The following CNTN6 variants were observed in gnomAD, a reference collection of about 807,000 sequenced individuals.
CNTN6 encodes the protein contactin 6, also known as contactin-6.
Under a neutral mutation model 122.8 loss-of-function variants are expected in CNTN6, and 137 were observed. The ratio of observed to expected loss-of-function variants is 1.12; its 90% CI spans 0.97 to 1.29. CNTN6 has a LOEUF of 1.29. Among genes scored for constraint, CNTN6 ranks in the 50% most tolerant of loss-of-function variants. CNTN6 has a pLI of 0.00. For missense variants in CNTN6, 1,634 were observed against 1,223.4 expected, an observed-to-expected ratio of 1.34 and a Z score of -5.01; for synonymous variants, 570 against 426.0, an observed-to-expected ratio of 1.34 and a Z score of -4.16.
intron 7 of CNTN6, among the ~76,000 whole-genome samples, chr3:1,314,902 C>T (rs910715474): frequency 3.3e-5 from 5 of 151,876 alleles, no homozygotes; most frequent in African/African-American, 1.2e-4. Flanking sequence ...TTTTGAAATA[C>T]AAGGTTCAAG....
chr3:1,179,343 GTC>G, intron 2 of CNTN6, among the ~76,000 whole-genome samples: 1 of 152,230 alleles, frequency 6.6e-6, no homozygotes, highest in East Asian at 1.9e-4. Context: ...CAATCTCGGA[GTC>G]TCTACCCACA....
At chr3:1,264,690 A>G (rs1559648372) in intron 4 of CNTN6, among the ~76,000 whole-genome samples, 1 of 152,166 alleles carries the variant, frequency 6.6e-6, no homozygotes, top group South Asian at 2.1e-4. Context: ...GTCACCCCAC[A>G]TACTTGTCAT....
At chr3:1,240,872 T>G (rs1703139) in intron 4 of CNTN6, among the ~76,000 whole-genome samples, 21 of 151,814 alleles carry the variant, frequency 1.4e-4, no homozygotes, top group South Asian at 4.2e-4. Context: ...AGAGAGTCAG[T>G]GAAGGGAGAT....
Position 1,392,860 on chromosome 3 carries a change from C to A in CNTN6, c.2704+7063C>A, listed in dbSNP as rs1341731282. The stretch of plus-strand genomic sequence containing the variant: ...TGCAAATCAAAACCACAATGAGATA[C>A]CATCTCACACCACTTAGAATGGCGA... On this transcript the variant is annotated intron_variant, in intron 20 of 22. Transcript: ENST00000446702. Among the ~76,000 whole-genome samples the A allele has an allele frequency of 2.3e-5, 3 of 132,424 alleles. 1 individual carries two copies. Among genetic ancestry groups the A allele is most frequent in the Non-Finnish European group, 5.0e-5 (3 of 60,430 alleles). 86.9% of individuals were successfully genotyped at this position (132,424 alleles called of 152,430 possible). A position where few individuals can be genotyped will look rare whatever the true frequency, so the allele number is the denominator to read the frequency against.
At position 1,108,022 on chromosome 3, in the gene CNTN6, T is replaced by C. The variant is rs535462449; in HGVS notation, c.-83+14902T>C. Among the ~76,000 whole-genome samples, 5 of 152,170 alleles carry C rather than the reference T, an allele frequency of 3.3e-5. No individual in the cohort carries two copies. In the South Asian group the frequency reaches 1.0e-3, roughly 31 times the overall value. Reference sequence around the variant, plus strand: ...TTAAGGCTCTGGGTGTTAATGTCAGTGTTATGCAGAAAATTACCCTAGACA... The same window carrying C: ...TTAAGGCTCTGGGTGTTAATGTCAGCGTTATGCAGAAAATTACCCTAGACA... On this transcript the variant is annotated intron_variant, in intron 1 of 22. Transcript: ENST00000446702.
intron 11 of CNTN6, among the ~76,000 whole-genome samples, chr3:1,351,957 A>G (rs569141245): frequency 3.3e-5 from 5 of 151,942 alleles, no homozygotes; most frequent in Non-Finnish European, 7.4e-5. Context: ...AGCCAAGTTC[A>G]ATTTTTGCCA....
chr3:1,243,593 C>T (rs376040020), intron 4 of CNTN6, among the ~76,000 whole-genome samples: 7,399 of 149,468 alleles, frequency 0.05, 264 homozygotes, highest in East Asian at 0.13. Context: ...GCCGAGCGAG[C>T]CATGAACTGG....
intron 2 of CNTN6, among the ~76,000 whole-genome samples, chr3:1,197,834 T>C (rs561697514): frequency 6.6e-6 from 1 of 152,306 alleles, no homozygotes. Flanking sequence ...ATAAACTATC[T>C]CAAAGTCTGC....
At chr3:1,241,959 T>C (rs9875199) in intron 4 of CNTN6, among the ~76,000 whole-genome samples, 69,811 of 147,050 alleles carry the variant, frequency 0.47, 15,752 homozygotes, top group African/African-American at 0.61. Context: ...CTACAGGGTG[T>C]GGTCCTGGCT....
chr3:1,383,313 G>C lies in CNTN6; in HGVS notation c.2422G>C (p.Gly808Arg). ...GEDEPQLAPRGTSLQSFSASE... is the reference protein window; with the variant it reads ...GEDEPQLAPRRTSLQSFSASE... ...GGTAGAACCTCAACTGGCCCCAAGG[G>C]GAACTTCTCTCCAGAGTTTTTCTGC... is the stretch of plus-strand genomic sequence containing the variant. The change falls in exon 19 of 23, where the codon GGA (glycine) becomes CGA (arginine). Residue 808 changes from glycine to arginine, a missense_variant. Transcript: ENST00000446702. The C allele has an allele frequency of 6.2e-7, 1 of 1,613,944 alleles. No individual in the cohort carries two copies. The highest frequency in any genetic ancestry group is 8.5e-7 in the Non-Finnish European group (1 of 1,179,846).
intron 9 of CNTN6, among the ~76,000 whole-genome samples, chr3:1,326,250 C>G (rs1259875112): frequency 6.6e-6 from 1 of 151,848 alleles, no homozygotes; most frequent in Non-Finnish European, 1.5e-5. Flanking sequence ...ACGGATAACA[C>G]TTACTGAACT....
At chr3:1,397,126 A>G (rs117247002) in intron 20 of CNTN6, among the ~76,000 whole-genome samples, 3,923 of 152,318 alleles carry the variant, frequency 0.026, 59 homozygotes, top group Non-Finnish European at 0.038. Flanking sequence ...AGCCATGCCT[A>G]GAGTTAGATG....
chr3:1,273,628 C>A (rs1691781680), intron 4 of CNTN6, among the ~76,000 whole-genome samples: 1 of 152,156 alleles, frequency 6.6e-6, no homozygotes, highest in Non-Finnish European at 1.5e-5. Flanking sequence ...TGTCTATGAT[C>A]TGTGTGCTAT....
At chr3:1,348,429 C>T (rs1705102481) in intron 11 of CNTN6, among the ~76,000 whole-genome samples, 1 of 151,912 alleles carries the variant, frequency 6.6e-6, no homozygotes, top group Non-Finnish European at 1.5e-5. Context: ...GATATTAAGC[C>T]TGTCTTTAAG....
intron 12 of CNTN6, among the ~76,000 whole-genome samples, chr3:1,369,846 CTTTTT>C (rs570471554): frequency 7.1e-5 from 10 of 141,100 alleles, no homozygotes; most frequent in Admixed American, 3.5e-4. Context: ...CCCTGGATAT[CTTTTT>C]TTTTTTTAAG....
intron 4 of CNTN6, among the ~76,000 whole-genome samples, chr3:1,243,084 C>A (rs923202591): frequency 6.6e-6 from 1 of 152,144 alleles, no homozygotes; most frequent in Admixed American, 6.5e-5. Flanking sequence ...GCTGCTAAGC[C>A]GAGAAGATCT....
At chr3:1,224,250 C>T (rs946668943) in intron 3 of CNTN6, among the ~76,000 whole-genome samples, 2 of 151,864 alleles carry the variant, frequency 1.3e-5, no homozygotes, top group African/African-American at 2.4e-5. Flanking sequence ...ATGGAGGTTA[C>T]CAGAGGCTGA....
At chr3:1,135,633 T>C (rs1387506509) in intron 1 of CNTN6, among the ~76,000 whole-genome samples, 1 of 152,172 alleles carries the variant, frequency 6.6e-6, no homozygotes, top group Non-Finnish European at 1.5e-5. Context: ...ACTACATATA[T>C]ATATTAGTTT....
intron 4 of CNTN6, among the ~76,000 whole-genome samples, chr3:1,263,242 CTTCA>C (rs1193828522): frequency 6.6e-6 from 1 of 152,150 alleles, no homozygotes; most frequent in Non-Finnish European, 1.5e-5. Flanking sequence ...AATCCAAGCA[CTTCA>C]TTCAAGCACA....
Sources: gnomAD v4.1 joint callset for allele counts (sites outside exome capture counted in the v4.1 genomes callset) on GRCh38, gnomAD v4.1.1 for gene constraint, MANE v1.5 for transcripts, NCBI Gene and HGNC (gene_info 2026-07-23, HGNC 2026-07-21) for gene names.